The following ATP10B variants were observed in gnomAD, a reference collection of about 807,000 sequenced individuals.
The protein encoded by ATP10B is ATPase phospholipid transporting 10B (putative), also known as phospholipid-transporting ATPase VB.
A neutral mutation model predicts 141.2 loss-of-function variants in ATP10B; 122 were observed. The observed-to-expected ratio is 0.86, with a 90% CI of 0.75 to 1.00. ATP10B has a LOEUF of 1.00. ATP10B is among the 50% of genes least tolerant of loss of function. The pLI, the probability that ATP10B is intolerant of heterozygous loss-of-function variation, is 0.00. For missense variants in ATP10B, 1,876 were observed against 1,825.3 expected, an observed-to-expected ratio of 1.03 and a Z score of -0.51; for synonymous variants, 685 against 692.0, an observed-to-expected ratio of 0.99 and a Z score of 0.16.
At chr5:160,681,826 A>G (rs1763417046) in intron 6 of ATP10B, among the ~76,000 whole-genome samples, 1 of 152,234 alleles carries the variant, frequency 6.6e-6, no homozygotes, top group Non-Finnish European at 1.5e-5. Flanking sequence ...AGGTTATTTC[A>G]AATAAAAATA....
chr5:160,783,878 G>A (rs11954910), intron 2 of ATP10B, among the ~76,000 whole-genome samples: 20,719 of 151,782 alleles, frequency 0.14, 1,499 homozygotes, highest in East Asian at 0.18. Context: ...CCTGTTCACC[G>A]CCTCCAAGCC....
At chr5:160,798,464 A>G (rs1241801750) in intron 1 of ATP10B, among the ~76,000 whole-genome samples, 1 of 152,194 alleles carries the variant, frequency 6.6e-6, no homozygotes, top group Non-Finnish European at 1.5e-5. Context: ...ACAGGGAAGA[A>G]GGCCCCATGA....
chr5:160,699,999 C>T (rs972527885), intron 3 of ATP10B, among the ~76,000 whole-genome samples: 8 of 152,124 alleles, frequency 5.3e-5, no homozygotes, highest in Admixed American at 3.3e-4. Flanking sequence ...GACTGGGGGT[C>T]TAGAAGTCAT....
intron 10 of ATP10B, chr5:160,639,064 C>A (rs1389285798): frequency 3.3e-5 from 5 of 152,458 alleles, no homozygotes; most frequent in African/African-American, 1.2e-4. Context: ...TGCACAAAAC[C>A]ATTTTCCTTC....
intron 1 of ATP10B, among the ~76,000 whole-genome samples, chr5:160,827,265 T>C (rs754260172): frequency 3.9e-5 from 6 of 152,216 alleles, no homozygotes; most frequent in Non-Finnish European, 7.3e-5. Context: ...AGAACCTACG[T>C]TGAAATATTG....
At chr5:160,606,348 C>A (rs1757387076) in intron 19 of ATP10B, among the ~76,000 whole-genome samples, 2 of 152,132 alleles carry the variant, frequency 1.3e-5, no homozygotes, top group African/African-American at 4.8e-5. Context: ...TTAAAATCTC[C>A]CCACCAGCCA....
At chr5:160,758,085 T>C (rs1768763122) in intron 2 of ATP10B, among the ~76,000 whole-genome samples, 1 of 152,118 alleles carries the variant, frequency 6.6e-6, no homozygotes, top group Non-Finnish European at 1.5e-5. Context: ...CAGGGGGAAA[T>C]TAATCATGAT....
At chr5:160,888,123 A>G in the ATP10B span, among the ~76,000 whole-genome samples, 1 of 152,244 alleles carries the variant, frequency 6.6e-6, no homozygotes, top group African/African-American at 2.4e-5. Context: ...TGCAGTTGTT[A>G]CACAGGTCAA....
chr5:160,817,291 C>G (rs949885812), intron 1 of ATP10B, among the ~76,000 whole-genome samples: 10 of 152,178 alleles, frequency 6.6e-5, no homozygotes, highest in Non-Finnish European at 1.3e-4. Context: ...AGCTGATAGG[C>G]AACTTCAACA....
In ATP10B at chr5:160,565,862, G is replaced by A; in HGVS notation, c.3977C>T (p.Ser1326Phe). Residue 1326 changes from serine to phenylalanine, a missense_variant, in exon 26 of 26, where the codon TCT becomes TTT. Coordinates refer to ENST00000327245, the MANE Select transcript of ATP10B (RefSeq NM_025153.3). Reference protein sequence around the residue: ...FLSLQGTCGKSLISKAQKIDK... With the variant: ...FLSLQGTCGKFLISKAQKIDK... Reference sequence around the variant, plus strand: ...AATTTTCTGAGCTTTTGAGATTAGAGACTTCCCACAAGTTCCTTGCAGAGA... The same window carrying A: ...AATTTTCTGAGCTTTTGAGATTAGAAACTTCCCACAAGTTCCTTGCAGAGA... The A allele has an allele frequency of 6.2e-7, 1 of 1,613,700 alleles. No individual in the cohort carries two copies.
intron 1 of ATP10B, among the ~76,000 whole-genome samples, chr5:160,810,262 A>C (rs1773060376): frequency 6.6e-6 from 1 of 151,722 alleles, no homozygotes; most frequent in Non-Finnish European, 1.5e-5. Context: ...TCAGGCATTA[A>C]TTTTTCTACC....
At chr5:160,746,078 C>T (rs1460346748) in intron 2 of ATP10B, among the ~76,000 whole-genome samples, 1 of 152,154 alleles carries the variant, frequency 6.6e-6, no homozygotes, top group African/African-American at 2.4e-5. Context: ...AGGACAGTAC[C>T]TCACATGTAG....
At chr5:160,764,198 A>G (rs1769241422) in intron 2 of ATP10B, among the ~76,000 whole-genome samples, 1 of 152,090 alleles carries the variant, frequency 6.6e-6, no homozygotes, top group Non-Finnish European at 1.5e-5. Flanking sequence ...TTATCCCCAA[A>G]TCATTCTATG....
the ATP10B span, among the ~76,000 whole-genome samples, chr5:160,922,679 T>C: frequency 6.6e-6 from 1 of 152,250 alleles, no homozygotes; most frequent in Non-Finnish European, 1.5e-5. Context: ...AAAACAAATC[T>C]GCAATAGACA....
At chr5:160,814,409 A>G (rs906439346) in intron 1 of ATP10B, among the ~76,000 whole-genome samples, 47 of 152,354 alleles carry the variant, frequency 3.1e-4, no homozygotes, top group Admixed American at 6.5e-4. Flanking sequence ...AATGAATGAA[A>G]TGAAGTGAGA....
At chr5:160,794,869 A>T (rs1408848642) in intron 1 of ATP10B, among the ~76,000 whole-genome samples, 2 of 152,122 alleles carry the variant, frequency 1.3e-5, no homozygotes, top group Non-Finnish European at 2.9e-5. Flanking sequence ...GCAATTTCCA[A>T]ATTTCAAAAT....
At chr5:160,627,740 A>G (rs925104123) in intron 13 of ATP10B, among the ~76,000 whole-genome samples, 1 of 152,222 alleles carries the variant, frequency 6.6e-6, no homozygotes. Context: ...CTGTCTACAC[A>G]TAGGAAATAT....
At chr5:160,891,088 T>C in the ATP10B span, among the ~76,000 whole-genome samples, 6 of 152,218 alleles carry the variant, frequency 3.9e-5, no homozygotes, top group East Asian at 1.9e-4. Flanking sequence ...AACTGTGGAA[T>C]TGTACTGTAG....
chr5:160,605,068 A>G (rs1263160073), intron 19 of ATP10B, among the ~76,000 whole-genome samples: 13 of 152,218 alleles, frequency 8.5e-5, no homozygotes, highest in Admixed American at 8.5e-4. Flanking sequence ...AATTCTTAGT[A>G]TCCATACAAA....
Sources: allele counts gnomAD v4.1 joint callset (sites outside exome capture counted in the v4.1 genomes callset), GRCh38; gene constraint gnomAD v4.1.1; transcripts MANE v1.5; gene names NCBI Gene and HGNC (gene_info 2026-07-23, HGNC 2026-07-21).